HSPB8: variants seen among roughly 807,000 people sequenced by gnomAD.
HSPB8 encodes the protein heat shock protein family B (small) member 8, also known as heat shock protein beta-8.
A neutral mutation model predicts 16.5 loss-of-function variants in HSPB8; 9 were observed. The ratio of observed to expected loss-of-function variants is 0.55; its 90% CI spans 0.33 to 0.95. The LOEUF is 0.95. Among genes scored for constraint, HSPB8 ranks in the 40% least tolerant of loss-of-function variants. The pLI, the probability that HSPB8 is intolerant of heterozygous loss-of-function variation, is 0.03. For missense variants in HSPB8, 238 were observed against 251.2 expected (o/e 0.95, Z 0.35); for synonymous variants, 99 against 94.8 (o/e 1.04, Z -0.26).
chr12:119,186,594 G>A (rs1418175423), intron 1 of HSPB8, among the ~76,000 whole-genome samples: 57 of 152,124 alleles, frequency 3.7e-4, no homozygotes, highest in Admixed American at 3.5e-3. Context: ...TGGCAGAGTC[G>A]CCCTCAGCAT....
At chr12:119,181,094 G>C (rs748189694) in intron 1 of HSPB8, among the ~76,000 whole-genome samples, 1 of 152,180 alleles carries the variant, frequency 6.6e-6, no homozygotes, top group African/African-American at 2.4e-5. Flanking sequence ...ATACCATAAG[G>C]ATTGTTGTTT....
intron 2 of HSPB8, 95 bp from the exon 3 acceptor site, chr12:119,193,604 A>C: frequency 7.4e-7 from 1 of 1,348,922 alleles, no homozygotes; most frequent in East Asian, 2.3e-5. Context: ...CCCAAAGCCT[A>C]AGCTCTTATC....
In HSPB8 at chr12:119,178,948, G is replaced by A. The variant is rs1448797985; in HGVS notation, c.-365G>A. 2 of 338,444 alleles carry A rather than the reference G, an allele frequency of 5.9e-6. No homozygotes were observed. The highest frequency in any genetic ancestry group is 2.1e-5 in the African/African-American group (1 of 47,544). The allele number at this position is 338,444 out of a possible 1,614,324, so 21.0% of individuals were successfully genotyped here. A position where few individuals can be genotyped will look rare whatever the true frequency, so the allele number is the denominator to read the frequency against. Reference sequence around the variant, plus strand: ...AAGGAGCCAGAAGAAGTTTCTAGGCGCGCGTGCCCTGGGTTTATTAAGCTC... The same window carrying A: ...AAGGAGCCAGAAGAAGTTTCTAGGCACGCGTGCCCTGGGTTTATTAAGCTC... On this transcript the variant is annotated 5_prime_UTR_variant, in exon 1 of 3. Coordinates refer to ENST00000281938, the MANE Select transcript of HSPB8 (RefSeq NM_014365.3).
At chr12:119,181,852 A>G (rs1375447350) in intron 1 of HSPB8, among the ~76,000 whole-genome samples, 1 of 152,202 alleles carries the variant, frequency 6.6e-6, no homozygotes, top group Admixed American at 6.5e-5. Flanking sequence ...AAACATATGC[A>G]GACTATCTAT....
chr12:119,188,712 A>T (rs2136084343), intron 2 of HSPB8, among the ~76,000 whole-genome samples: 1 of 152,236 alleles, frequency 6.6e-6, no homozygotes, highest in South Asian at 2.1e-4. Flanking sequence ...CCCAGAATAG[A>T]TCCCTGACCT....
chr12:119,180,832 A>G (rs1954632066), intron 1 of HSPB8, among the ~76,000 whole-genome samples: 1 of 152,290 alleles, frequency 6.6e-6, no homozygotes, highest in African/African-American at 2.4e-5. Context: ...AACAAGCCCC[A>G]GCAGCATTCA....
chr12:119,191,893 A>C (rs1247423311), intron 2 of HSPB8, among the ~76,000 whole-genome samples: 1 of 152,190 alleles, frequency 6.6e-6, no homozygotes, highest in African/African-American at 2.4e-5. Flanking sequence ...AACCTTGGGC[A>C]AAGCAGTTCA....
At position 119,194,275 on chromosome 12, in the gene HSPB8, C is replaced by G. The variant is rs962858750; in HGVS notation, c.*417C>G. On this transcript the variant is annotated 3_prime_UTR_variant, in exon 3 of 3. Coordinates refer to ENST00000281938, the MANE Select transcript of HSPB8 (RefSeq NM_014365.3). Reference sequence around the variant, plus strand: ...GATTCCCATGGCTCCCAAACCATGCCGCATGGTTTGGTTAATGAAACCCAG... The same window carrying G: ...GATTCCCATGGCTCCCAAACCATGCGGCATGGTTTGGTTAATGAAACCCAG... The G allele has an allele frequency of 7.1e-6, 2 of 280,690 alleles. No individual in the cohort carries two copies. The highest frequency in any genetic ancestry group is 1.4e-5 in the Non-Finnish European group (2 of 145,838). 17.4% of individuals were successfully genotyped at this position (280,690 alleles called of 1,614,324 possible).
In HSPB8 at chr12:119,179,091, T is replaced by C; in HGVS notation, c.-222T>C. On this transcript the variant is annotated 5_prime_UTR_variant, in exon 1 of 3. Transcript: ENST00000281938. ...CAGTGCGGACGGGGACCCTCTGGGATTCTGCTGGATCTGCCCCGGGGGTTA... is the reference window on the plus strand; with the variant it reads ...CAGTGCGGACGGGGACCCTCTGGGACTCTGCTGGATCTGCCCCGGGGGTTA... 3.3e-6 allele frequency: 2 copies of C among 614,926 alleles called. No homozygotes were observed. Among genetic ancestry groups the C allele is most frequent in the South Asian group, 3.7e-5 (2 of 53,912 alleles). The allele number at this position is 614,926 out of a possible 1,614,324, so 38.1% of individuals were successfully genotyped here. A position where few individuals can be genotyped will look rare whatever the true frequency, so the allele number is the denominator to read the frequency against.
chr12:119,188,228 TC>T (rs1954689284), intron 2 of HSPB8, among the ~76,000 whole-genome samples: 1 of 125,910 alleles, frequency 7.9e-6, no homozygotes, highest in African/African-American at 4.3e-5. Flanking sequence ...GCCCCTAAAC[TC>T]TCTCTCTCTC....
chr12:119,185,269 C>T (rs975884954), intron 1 of HSPB8, among the ~76,000 whole-genome samples: 8 of 151,920 alleles, frequency 5.3e-5, no homozygotes, highest in African/African-American at 1.9e-4. Context: ...ATCTTCCCAC[C>T]TCAGCCTCCC....
chr12:119,191,409 A>T (rs894353545), intron 2 of HSPB8, among the ~76,000 whole-genome samples: 1 of 152,082 alleles, frequency 6.6e-6, no homozygotes, highest in Non-Finnish European at 1.5e-5. Context: ...GGGAGGTCTA[A>T]ACTTTTGACT....
intron 2 of HSPB8, among the ~76,000 whole-genome samples, chr12:119,191,953 A>C (rs889278167): frequency 3.9e-5 from 6 of 152,268 alleles, no homozygotes; most frequent in African/African-American, 1.2e-4. Context: ...TAGCAATGGA[A>C]TCTGCCTGGT....
At chr12:119,188,612 A>G (rs759704138) in intron 2 of HSPB8, among the ~76,000 whole-genome samples, 7 of 152,132 alleles carry the variant, frequency 4.6e-5, no homozygotes, top group South Asian at 2.1e-4. Context: ...ATCGGAGAGG[A>G]GACATGACCC....
At chr12:119,188,511 G>C (rs993155828) in intron 2 of HSPB8, among the ~76,000 whole-genome samples, 2 of 151,848 alleles carry the variant, frequency 1.3e-5, no homozygotes, top group Non-Finnish European at 2.9e-5. Flanking sequence ...GCCTCCCAAA[G>C]TGCTGGGATT....
At chr12:119,193,157 C>G (rs1395087226) in intron 2 of HSPB8, among the ~76,000 whole-genome samples, 1 of 152,174 alleles carries the variant, frequency 6.6e-6, no homozygotes, top group Admixed American at 6.5e-5. Context: ...GCCAGCTTGG[C>G]CCCTTTTATC....
At position 119,188,226 on chromosome 12, in the gene HSPB8, A is replaced by ACT. The variant is rs149750099; in HGVS notation, c.431+1159_431+1160dup. On this transcript the variant is annotated intron_variant, in intron 2 of 2. Transcript: ENST00000281938. ...CACTATGTGCGTTTCTGGCCCCTAA[A>ACT]CTCTCTCTCTCTCTCTCTCTCTTTT... Among the ~76,000 whole-genome samples, 1,308 of 137,056 alleles carry ACT rather than the reference A, an allele frequency of 9.5e-3. 5 individuals carry two copies. Among genetic ancestry groups the ACT allele is most frequent in the Non-Finnish European group, 0.014 (941 of 64,912 alleles). The allele number at this position is 137,056 out of a possible 152,430, so 89.9% of individuals were successfully genotyped here. A position where few individuals can be genotyped will look rare whatever the true frequency, so the allele number is the denominator to read the frequency against.
chr12:119,191,246 G>C (rs1456425802), intron 2 of HSPB8, among the ~76,000 whole-genome samples: 2 of 152,160 alleles, frequency 1.3e-5, no homozygotes, highest in African/African-American at 4.8e-5. Flanking sequence ...CCAGCCCCAT[G>C]TTGTGTGGTC....
At chr12:119,193,667 A>C (rs1399782237) in intron 2 of HSPB8, 32 bp from the exon 3 acceptor site, 2 of 1,610,764 alleles carry the variant, frequency 1.2e-6, no homozygotes. Flanking sequence ...TATTAACAAC[A>C]ATAAATGAAT....
Sources: allele counts gnomAD v4.1 joint callset (sites outside exome capture counted in the v4.1 genomes callset), GRCh38; gene constraint gnomAD v4.1.1; transcripts MANE v1.5; gene names NCBI Gene and HGNC (gene_info 2026-07-23, HGNC 2026-07-21).